The following MROH2B variants were observed in gnomAD, a reference collection of about 807,000 sequenced individuals.
MROH2B encodes maestro heat like repeat family member 2B.
In MROH2B, 177 loss-of-function variants were observed where a neutral mutation model predicts 208.6. The ratio of observed to expected loss-of-function variants is 0.85; its 90% CI spans 0.75 to 0.96. MROH2B has a LOEUF of 0.96. Ranked by LOEUF, MROH2B falls within the 40% of genes least tolerant of loss-of-function variation. The probability of loss-of-function intolerance (pLI) is 0.00; values close to 1 mark genes in which losing one functional copy is unlikely to be tolerated. For synonymous variants in MROH2B, 728 were observed against 659.0 expected (o/e 1.10, Z -1.60); for missense variants, 2,002 against 1,878.7 (o/e 1.07, Z -1.21).
chr5:41,070,798 G>T, intron 1 of MROH2B, 27 bp downstream of exon 1: 1 of 1,606,608 alleles, frequency 6.2e-7, no homozygotes, highest in Non-Finnish European at 8.5e-7. Flanking sequence ...GAAGAGCCTT[G>T]GCTTCTCAGG....
At chr5:41,027,881 C>T (rs184832300) in intron 24 of MROH2B, among the ~76,000 whole-genome samples, 1 of 152,234 alleles carries the variant, frequency 6.6e-6, no homozygotes, top group Admixed American at 6.5e-5. Flanking sequence ...AGTTCATGTC[C>T]TTTGTAGGGA....
Position 41,000,152 on chromosome 5 carries a change from T to C in MROH2B, c.4482+68A>G, listed in dbSNP as rs1741340228. On this transcript the variant is annotated intron_variant, in intron 39 of 41. Transcript: ENST00000399564. ...GCCAGAAATTCCTTGCTACATTGTT[T>C]GCCCTTCTGCGATTTGTCTAGACCC... 5 of 1,580,204 alleles carry C rather than the reference T, an allele frequency of 3.2e-6. No individual in the cohort carries two copies. In the East Asian group the frequency reaches 1.1e-4, roughly 35 times the overall value.
chr5:41,025,150 C>G (rs1052297626), intron 24 of MROH2B, among the ~76,000 whole-genome samples: 2 of 152,042 alleles, frequency 1.3e-5, no homozygotes, highest in African/African-American at 4.8e-5. Flanking sequence ...CAAACACATT[C>G]AAAAGCTCGC....
chr5:41,067,088 C>G lies in MROH2B; in HGVS notation c.201+20G>C, dbSNP rs1450275515. The G allele has an allele frequency of 1.4e-6, 2 of 1,459,692 alleles. No individual in the cohort carries two copies. Among genetic ancestry groups the G allele is most frequent in the African/African-American group, 1.4e-5 (1 of 71,312 alleles). The allele number at this position is 1,459,692 out of a possible 1,614,324, so 90.4% of individuals were successfully genotyped here. A position where few individuals can be genotyped will look rare whatever the true frequency, so the allele number is the denominator to read the frequency against. On this transcript the variant is annotated intron_variant, in intron 3 of 41. Coordinates refer to ENST00000399564, the MANE Select transcript of MROH2B (RefSeq NM_173489.5). ...TTGGGTCACATAAAGACCCTTTTCA[C>G]CATCATGAACCAAACTTACATTGTT...
chr5:40,999,719 T>C lies in MROH2B; in HGVS notation c.4543A>G (p.Ser1515Gly). ...GCACTCCTGATCACCTCCCAGGTGCTGGTGAAGAAGGTGAAGGAGTGTGTG... is the reference window on the plus strand; with the variant it reads ...GCACTCCTGATCACCTCCCAGGTGCCGGTGAAGAAGGTGAAGGAGTGTGTG... ...LHTHSFTFFT[S>G]TWEVIRSAAV... Residue 1515 changes from serine to glycine, a missense_variant, in exon 40 of 42, where the codon AGC becomes GGC. Physicochemically the swap from Ser to Gly is moderately conservative, Grantham distance 56. Coordinates refer to ENST00000399564, the MANE Select transcript of MROH2B (RefSeq NM_173489.5). 1 of 1,613,684 alleles carries C rather than the reference T, an allele frequency of 6.2e-7. No homozygotes were observed. Among genetic ancestry groups the C allele is most frequent in the Non-Finnish European group, 8.5e-7 (1 of 1,179,652 alleles).
intron 30 of MROH2B, among the ~76,000 whole-genome samples, chr5:41,011,297 C>T (rs1014616176): frequency 2.6e-5 from 4 of 151,824 alleles, no homozygotes; most frequent in Admixed American, 6.6e-5. Flanking sequence ...ATAAATAGCC[C>T]CCATTTATGA....
In MROH2B at chr5:40,999,777, G is replaced by C. The variant is rs1426649167; in HGVS notation, c.4485C>G (p.Ala1495=). 6.2e-7 allele frequency: 1 copy of C among 1,611,966 alleles called. No individual in the cohort carries two copies. The highest frequency in any genetic ancestry group is 2.2e-5 in the East Asian group (1 of 44,814). The change falls in exon 40 of 42, where the codon GCC becomes GCG. Residue 1495 remains alanine, a splice_region_variant and synonymous_variant. Coordinates refer to ENST00000399564, the MANE Select transcript of MROH2B (RefSeq NM_173489.5). ...DFYRQFCVKL[A]KKNQEILWIL... is the part of the protein sequence containing the mutation. ...TCCACAGAATTTCCTGGTTTTTCTT[G>C]GCCTAGAAGAGATGTGAATTTCAAA...
chr5:41,016,649 T>G (rs1368175242), intron 28 of MROH2B, among the ~76,000 whole-genome samples: 1 of 151,832 alleles, frequency 6.6e-6, no homozygotes, highest in East Asian at 1.9e-4. Context: ...TGGCTAATTT[T>G]TTGTATTTTT....
intron 1 of MROH2B, 74 bp from the exon 2 acceptor site, chr5:41,069,826 C>A: frequency 9.0e-7 from 1 of 1,113,654 alleles, no homozygotes; most frequent in Non-Finnish European, 1.3e-6. Context: ...GTAATCAACA[C>A]AGAAAGTTCA....
At position 41,058,211 on chromosome 5, in the gene MROH2B, G is replaced by A; in HGVS notation, c.616-8C>T. 2 of 1,512,210 alleles carry A rather than the reference G, an allele frequency of 1.3e-6. No homozygotes were observed. The highest frequency in any genetic ancestry group is 1.8e-4 in the Middle Eastern group (1 of 5,660). 93.7% of individuals were successfully genotyped at this position (1,512,210 alleles called of 1,614,324 possible). A position where few individuals can be genotyped will look rare whatever the true frequency, so the allele number is the denominator to read the frequency against. On this transcript the variant is annotated splice_polypyrimidine_tract_variant and splice_region_variant and intron_variant, in intron 6 of 41. Coordinates refer to ENST00000399564, the MANE Select transcript of MROH2B (RefSeq NM_173489.5). ...CTTAACGATGCTCAAAGTCTGTACA[G>A]GCAGCAAACAAATACCGTTTCTGAA...
At chr5:40,999,000 G>T (rs960816752) in intron 40 of MROH2B, among the ~76,000 whole-genome samples, 4 of 151,880 alleles carry the variant, frequency 2.6e-5, no homozygotes, top group Admixed American at 2.0e-4. Flanking sequence ...ATGTGTTGGT[G>T]GGGGGATCAT....
chr5:41,008,752 A>G lies in MROH2B; in HGVS notation c.3462T>C (p.Ser1154=). The change falls in exon 33 of 42, where the codon TCT becomes TCC. Residue 1154 remains serine (S), a synonymous_variant. Transcript: ENST00000399564. Reference sequence around the variant, plus strand: ...ACAGCTCTGGATACAAGCCGGTGACAGAGGTGCCCATTGAGATCACTTCAT... The same window carrying G: ...ACAGCTCTGGATACAAGCCGGTGACGGAGGTGCCCATTGAGATCACTTCAT... ...AMYEVISMGT[S]VTGLYPELFT... 6.2e-7 allele frequency: 1 copy of G among 1,613,766 alleles called. No individual in the cohort carries two copies. The highest frequency in any genetic ancestry group is 1.3e-5 in the African/African-American group (1 of 75,036).
intron 11 of MROH2B, among the ~76,000 whole-genome samples, chr5:41,053,578 G>A (rs1743348634): frequency 6.6e-6 from 1 of 152,144 alleles, no homozygotes; most frequent in African/African-American, 2.4e-5. Flanking sequence ...ATTTTGAACA[G>A]GGAAGCAGTT....
In MROH2B at chr5:41,034,441, C is replaced by T. The variant is rs138318740; in HGVS notation, c.2215-577G>A. On this transcript the variant is annotated intron_variant, in intron 21 of 41. Coordinates refer to ENST00000399564, the MANE Select transcript of MROH2B (RefSeq NM_173489.5). The stretch of plus-strand genomic sequence containing the variant: ...GAGCCACGTAGGAATACTCAAAGCA[C>T]GCACGTGCACACACCCCATGAATCT... 1.1e-3 allele frequency among the ~76,000 whole-genome samples: 174 copies of T among 152,204 alleles called. 1 individual carries two copies. The East Asian group carries it at 0.019, about 17-fold the overall frequency.
chr5:41,063,401 A>G (rs1340057142), intron 5 of MROH2B, among the ~76,000 whole-genome samples: 1 of 152,178 alleles, frequency 6.6e-6, no homozygotes, highest in Admixed American at 6.5e-5. Context: ...AAACTTTCTA[A>G]GTCCAATGTT....
At chr5:41,029,524 T>A (rs6894732) in intron 24 of MROH2B, among the ~76,000 whole-genome samples, 91,276 of 151,528 alleles carry the variant, frequency 0.6, 27,943 homozygotes, top group Non-Finnish European at 0.66. Flanking sequence ...GATTTTGATG[T>A]GAGGACAACC....
chr5:41,039,672 C>A, intron 19 of MROH2B, 117 bp from the exon 20 acceptor site: 1 of 633,112 alleles, frequency 1.6e-6, no homozygotes. Flanking sequence ...CAGTAGTTTG[C>A]AGAACATACC....
chr5:41,024,004 A>C (rs1742256608), intron 24 of MROH2B, among the ~76,000 whole-genome samples: 1 of 152,338 alleles, frequency 6.6e-6, no homozygotes. Context: ...TGTCACCACC[A>C]GGCCTGCCCT....
chr5:41,025,466 C>T (rs1028528049), intron 24 of MROH2B, among the ~76,000 whole-genome samples: 2 of 152,124 alleles, frequency 1.3e-5, no homozygotes, highest in Non-Finnish European at 2.9e-5. Context: ...ACACACACAA[C>T]CTCCCAAGAC....
Sources: allele counts gnomAD v4.1 joint callset (sites outside exome capture counted in the v4.1 genomes callset), GRCh38; gene constraint gnomAD v4.1.1; transcripts MANE v1.5; gene names NCBI Gene and HGNC (gene_info 2026-07-23, HGNC 2026-07-21).